The following PCDHGA2 variants were observed in gnomAD, a reference collection of about 807,000 sequenced individuals.
PCDHGA2 encodes protocadherin gamma subfamily A, 2.
Under a neutral mutation model 59.2 loss-of-function variants are expected in PCDHGA2, and 40 were observed. That is an observed-to-expected ratio of 0.68 (90% CI 0.52 to 0.88). The LOEUF (loss-of-function observed/expected upper bound fraction) is 0.88, where lower values mean the gene tolerates loss of function less well. PCDHGA2 is among the 40% of genes least tolerant of loss of function. PCDHGA2 has a pLI of 0.00. For synonymous variants in PCDHGA2, 560 were observed against 526.0 expected (o/e 1.06, Z -0.89); for missense variants, 1,226 against 1,204.0 (o/e 1.02, Z -0.27).
At chr5:141,396,767 G>A (rs900685366) in intron 1 of PCDHGA2, 1 of 152,338 alleles carries the variant, frequency 6.6e-6, no homozygotes, top group East Asian at 1.9e-4. Context: ...ATAAATGTTT[G>A]TTATTAATGA....
chr5:141,365,777 G>C, intron 1 of PCDHGA2: 1 of 1,613,854 alleles, frequency 6.2e-7, no homozygotes, highest in Non-Finnish European at 8.5e-7. Flanking sequence ...CGACAGCGGC[G>C]ACAACGCTCG....
At position 141,340,803 on chromosome 5, in the gene PCDHGA2, C is replaced by G. The variant is rs756875314; in HGVS notation, c.1832C>G (p.Ala611Gly). The G allele has an allele frequency of 1.2e-5, 20 of 1,613,730 alleles. No homozygotes were observed. The highest frequency in any genetic ancestry group is 2.7e-5 in the African/African-American group (2 of 74,864). ...TGGCTGTCTTACCACCTGCTCAAGG[C>G]CAGCGAGCCGGGACTCTTCTCGGTG... ...NAWLSYHLLK[A>G]SEPGLFSVGL... The change falls in exon 1 of 4, where the codon GCC becomes GGC. Residue 611 changes from alanine to glycine, a missense_variant. Coordinates refer to ENST00000394576, the MANE Select transcript of PCDHGA2 (RefSeq NM_018915.4).
At chr5:141,391,576 T>A (rs1172672552) in intron 1 of PCDHGA2, 1 of 152,236 alleles carries the variant, frequency 6.6e-6, no homozygotes, top group Non-Finnish European at 1.5e-5. Flanking sequence ...AGAAAATATA[T>A]TCACAGGAAA....
intron 1 of PCDHGA2, chr5:141,414,590 G>C (rs1287207695): frequency 1.2e-6 from 2 of 1,613,936 alleles, no homozygotes; most frequent in South Asian, 1.1e-5. Flanking sequence ...AACGCCAGGG[G>C]TGCCTCCATC....
At chr5:141,403,218 G>A in intron 1 of PCDHGA2, 1 of 1,613,968 alleles carries the variant, frequency 6.2e-7, no homozygotes. Flanking sequence ...ACCGCGGGTA[G>A]GATAGACCGG....
intron 1 of PCDHGA2, chr5:141,414,141 A>T (rs1162904324): frequency 1.3e-6 from 2 of 1,597,216 alleles, no homozygotes; most frequent in East Asian, 2.3e-5. Context: ...ATGAAATAGA[A>T]ATACAAGCAG....
At chr5:141,480,414 C>CA (rs10712552) in intron 1 of PCDHGA2, among the ~76,000 whole-genome samples, 44 of 147,474 alleles carry the variant, frequency 3.0e-4, no homozygotes, top group Non-Finnish European at 4.4e-4. Context: ...GACCCTGTCT[C>CA]AAAAAAAAAA....
intron 1 of PCDHGA2, among the ~76,000 whole-genome samples, chr5:141,425,820 C>T (rs978139996): frequency 6.6e-6 from 1 of 152,156 alleles, no homozygotes; most frequent in Admixed American, 6.5e-5. Flanking sequence ...TAGAAAAAAA[C>T]AAACTTTTAA....
chr5:141,351,176 G>A (rs1758664342), intron 1 of PCDHGA2: 1 of 1,613,934 alleles, frequency 6.2e-7, no homozygotes, highest in Non-Finnish European at 8.5e-7. Context: ...ATTGGATTTT[G>A]AAGAGACAAG....
chr5:141,343,506 C>T (rs925556999), intron 1 of PCDHGA2, among the ~76,000 whole-genome samples: 1 of 152,098 alleles, frequency 6.6e-6, no homozygotes, highest in African/African-American at 2.4e-5. Context: ...TTGTGTTGGT[C>T]CTTACGGCCA....
At position 141,340,127 on chromosome 5, in the gene PCDHGA2, C is replaced by G; in HGVS notation, c.1156C>G (p.Leu386Val). Residue 386 changes from leucine (L) to valine (V), a missense_variant, in exon 1 of 4, where the codon CTC (leucine) becomes GTC (valine). Coordinates refer to ENST00000394576, the MANE Select transcript of PCDHGA2 (RefSeq NM_018915.4). Reference protein sequence around the residue: ...SGQNAFTTCSLPEDLPFKLEK... With the variant: ...SGQNAFTTCSVPEDLPFKLEK... ...GCAGAACGCATTCACCACCTGTTCA[C>G]TCCCCGAGGATCTTCCTTTTAAGTT... The G allele has an allele frequency of 1.2e-6, 2 of 1,614,186 alleles. No homozygotes were observed. The highest frequency in any genetic ancestry group is 1.7e-6 in the Non-Finnish European group (2 of 1,180,006).
intron 1 of PCDHGA2, among the ~76,000 whole-genome samples, chr5:141,401,385 T>A (rs965055223): frequency 6.6e-6 from 1 of 152,182 alleles, no homozygotes; most frequent in Non-Finnish European, 1.5e-5. Flanking sequence ...AGAAAAATAC[T>A]ACATGTTATG....
chr5:141,409,000 C>A, intron 1 of PCDHGA2: 4 of 1,613,950 alleles, frequency 2.5e-6, no homozygotes, highest in Non-Finnish European at 3.4e-6. Flanking sequence ...AAGTGACAGC[C>A]ACTGACCAGG....
At chr5:141,385,964 C>T (rs1037246180) in intron 1 of PCDHGA2, 2 of 152,126 alleles carry the variant, frequency 1.3e-5, no homozygotes, top group South Asian at 2.1e-4. Context: ...TAAAGGCCAT[C>T]GGACAAAACC....
rs746769707 is a variant in PCDHGA2, at chr5:141,344,065, G to A, written c.2424+2670G>A. On this transcript the variant is annotated intron_variant, in intron 1 of 3. Coordinates refer to ENST00000394576, the MANE Select transcript of PCDHGA2 (RefSeq NM_018915.4). ...AATTGCCTGAGTTTCCGAAATGGCA[G>A]AGGACTGGCCCTGCTGTGCGCGCTC... 1.9e-6 allele frequency: 3 copies of A among 1,574,054 alleles called. No individual in the cohort carries two copies. The East Asian group carries it at 6.8e-5, about 36-fold the overall frequency.
chr5:141,345,517 C>T (rs1386983358), intron 1 of PCDHGA2: 1 of 1,614,160 alleles, frequency 6.2e-7, no homozygotes, highest in Non-Finnish European at 8.5e-7. Flanking sequence ...ACCGAGGACA[C>T]TCTCCAGGGG....
intron 1 of PCDHGA2, chr5:141,351,617 T>G (rs1469008271): frequency 6.2e-7 from 1 of 1,614,030 alleles, no homozygotes. Flanking sequence ...TCAGGCCTCC[T>G]ATGTGGTCCA....
intron 1 of PCDHGA2, among the ~76,000 whole-genome samples, chr5:141,466,225 C>A (rs925594512): frequency 2.0e-5 from 3 of 152,028 alleles, no homozygotes; most frequent in Admixed American, 6.6e-5. Flanking sequence ...GGCTGGAGTG[C>A]AGTGGCACCA....
At chr5:141,465,184 A>G (rs866520508) in intron 1 of PCDHGA2, among the ~76,000 whole-genome samples, 2 of 152,130 alleles carry the variant, frequency 1.3e-5, no homozygotes, top group Admixed American at 6.5e-5. Flanking sequence ...ATTTAATTAA[A>G]AGATAAAAAT....
Sources: allele counts gnomAD v4.1 joint callset (sites outside exome capture counted in the v4.1 genomes callset), GRCh38; gene constraint gnomAD v4.1.1; transcripts MANE v1.5; gene names NCBI Gene and HGNC (gene_info 2026-07-23, HGNC 2026-07-21).